Variants in ZNF236 observed in about 807,000 individuals in gnomAD.
ZNF236 encodes regulated by glucose.
In ZNF236, 50 loss-of-function variants were observed where a neutral mutation model predicts 191.2. That is an observed-to-expected ratio of 0.26 (90% confidence interval 0.21 to 0.33). The LOEUF (loss-of-function observed/expected upper bound fraction) is 0.33. Ranked by LOEUF, ZNF236 falls within the 10% of genes least tolerant of loss-of-function variation. The pLI, the probability that ZNF236 is intolerant of heterozygous loss-of-function variation, is 1.00. For missense variants in ZNF236, 1,754 were observed against 2,374.5 expected (o/e 0.74, Z 5.43); for synonymous variants, 907 against 928.8 (o/e 0.98, Z 0.43).
At chr18:76,921,827 C>A (rs541715015) in intron 20 of ZNF236, among the ~76,000 whole-genome samples, 1 of 143,960 alleles carries the variant, frequency 6.9e-6, no homozygotes, top group East Asian at 2.1e-4. Flanking sequence ...GTGCAAACTC[C>A]GAGAACGGGA....
intron 18 of ZNF236, among the ~76,000 whole-genome samples, chr18:76,915,326 C>T (rs1035356551): frequency 4.0e-5 from 6 of 151,894 alleles, no homozygotes; most frequent in Admixed American, 3.9e-4. Context: ...TGTAAAAGAC[C>T]AAGGAGAGAG....
Position 76,960,430 on chromosome 18 carries a change from G to A in ZNF236, c.5243-249G>A, listed in dbSNP as rs191680192. 1.3e-5 allele frequency among the ~76,000 whole-genome samples: 2 copies of A among 152,244 alleles called. No individual in the cohort carries two copies. The highest frequency in any genetic ancestry group is 3.9e-4 in the East Asian group (2 of 5,142). On this transcript the variant is annotated intron_variant, in intron 29 of 30. Coordinates refer to ENST00000320610, the MANE Select transcript of ZNF236 (RefSeq NM_001306089.2). This position sits in a 1 kb window ranked among gnomAD's most constrained non-coding sequence, Gnocchi z 4.4. ...TCACTGTGGGCCTGGGGTTCCACAG[G>A]CTGCATCCACCGTGGCCCTTCCATG...
intron 25 of ZNF236, chr18:76,931,305 G>A (rs927030662): frequency 2.0e-5 from 3 of 152,178 alleles, no homozygotes; most frequent in African/African-American, 7.2e-5. Flanking sequence ...AGTCAATGAG[G>A]AGTTAAACTG....
rs141062109 is a variant in ZNF236, at chr18:76,970,462, G to A, written c.*2123G>A. The stretch of plus-strand genomic sequence containing the variant: ...CACAAGACATTTTATGTATTATTTC[G>A]ATTTACTTCCTAATTATAAAAGCTG... On this transcript the variant is annotated 3_prime_UTR_variant, in exon 31 of 31. Transcript: ENST00000320610. 28 of 152,644 alleles carry A rather than the reference G, an allele frequency of 1.8e-4. No homozygotes were observed. In the East Asian group the frequency reaches 3.3e-3, roughly 18 times the overall value. The allele number at this position is 152,644 out of a possible 1,614,324, so 9.5% of individuals were successfully genotyped here. A position where few individuals can be genotyped will look rare whatever the true frequency, so the allele number is the denominator to read the frequency against.
At chr18:76,826,377 G>A (rs1975020745) in intron 1 of ZNF236, among the ~76,000 whole-genome samples, 1 of 150,970 alleles carries the variant, frequency 6.6e-6, no homozygotes, top group East Asian at 2.0e-4. Flanking sequence ...GCCCGCCTCG[G>A]CCTCCCAAAG....
At chr18:76,954,743 T>C (rs1234394829) in intron 27 of ZNF236, among the ~76,000 whole-genome samples, 1 of 152,200 alleles carries the variant, frequency 6.6e-6, no homozygotes, top group African/African-American at 2.4e-5. Context: ...GGTATCATAT[T>C]ATAGAATAAC....
At chr18:76,924,341 G>A (rs949932527) in intron 21 of ZNF236, among the ~76,000 whole-genome samples, 2 of 152,214 alleles carry the variant, frequency 1.3e-5, no homozygotes, top group Admixed American at 6.5e-5. Context: ...GGAGTTCAGC[G>A]TAGGCCACGT....
intron 1 of ZNF236, among the ~76,000 whole-genome samples, chr18:76,828,153 G>A (rs1172751553): frequency 6.6e-6 from 1 of 151,880 alleles, no homozygotes; most frequent in Non-Finnish European, 1.5e-5. Flanking sequence ...GTAAGCTAGG[G>A]GTAGTAGGGC....
intron 10 of ZNF236, 105 bp from the exon 11 acceptor site, chr18:76,898,914 T>G (rs1262087631): frequency 1.8e-5 from 17 of 961,828 alleles, no homozygotes; most frequent in Non-Finnish European, 1.9e-5. Context: ...CCTAATAAAT[T>G]GAAGGTTCAA....
chr18:76,875,401 A>G lies in ZNF236; in HGVS notation c.668-91A>G, dbSNP rs1200706612. 3 of 1,252,078 alleles carry G rather than the reference A, an allele frequency of 2.4e-6. No homozygotes were observed. Among genetic ancestry groups the G allele is most frequent in the Non-Finnish European group, 2.1e-6 (2 of 949,472 alleles). 77.6% of individuals were successfully genotyped at this position (1,252,078 alleles called of 1,614,324 possible). ...GGGGAGACATTTTGGCTGGAGGGAT[A>G]GGTTTGGGTAACTTCAGTGTTGTTC... is the stretch of plus-strand genomic sequence containing the variant. On this transcript the variant is annotated intron_variant, in intron 5 of 30. Transcript: ENST00000320610. This position sits in a 1 kb window ranked among gnomAD's most constrained non-coding sequence, Gnocchi z 4.3.
chr18:76,924,440 C>A (rs1182742887), intron 21 of ZNF236, among the ~76,000 whole-genome samples: 1 of 152,200 alleles, frequency 6.6e-6, no homozygotes, highest in Non-Finnish European at 1.5e-5. Flanking sequence ...TTCTGAGGAA[C>A]CCAGGGCGGC....
chr18:76,966,887 A>AG (rs1437278861), intron 30 of ZNF236, among the ~76,000 whole-genome samples: 1 of 152,226 alleles, frequency 6.6e-6, no homozygotes, highest in Non-Finnish European at 1.5e-5. Flanking sequence ...TAGCTATGCA[A>AG]GGAACTAGAA....
intron 27 of ZNF236, among the ~76,000 whole-genome samples, chr18:76,951,952 G>A (rs73490885): frequency 0.011 from 1,727 of 152,352 alleles, 27 homozygotes; most frequent in African/African-American, 0.039. Flanking sequence ...GAAGCAGTCA[G>A]ACACAAACAT....
chr18:76,824,228 T>A, intron 1 of ZNF236: 1 of 755,694 alleles, frequency 1.3e-6, no homozygotes, highest in Non-Finnish European at 2.5e-6. Flanking sequence ...TAGGAATCAA[T>A]GTAAACTTAT....
Position 76,927,839 on chromosome 18 carries a change from C to A in ZNF236, c.4415-88C>A, listed in dbSNP as rs1007209395. 1 of 976,200 alleles carries A rather than the reference C, an allele frequency of 1.0e-6. No homozygotes were observed. 60.5% of individuals were successfully genotyped at this position (976,200 alleles called of 1,614,324 possible). A position where few individuals can be genotyped will look rare whatever the true frequency, so the allele number is the denominator to read the frequency against. On this transcript the variant is annotated intron_variant, in intron 24 of 30. Transcript: ENST00000320610. The surrounding 1 kb of genome is among the most constrained non-coding windows in gnomAD (Gnocchi z 5.4). ...TTTGTCTTATTGAAATATGTAATAA[C>A]AGTTTAATTAAAATATTTTTAATAT...
rs538399094 is a variant in ZNF236, at chr18:76,829,216, G to A, written c.55+6554G>A. Among the ~76,000 whole-genome samples the A allele has an allele frequency of 6.6e-5, 10 of 152,150 alleles. No individual in the cohort carries two copies. The South Asian group carries it at 2.1e-3, about 32-fold the overall frequency. ...TCTCTGCTTTCAAGAAAGTAGCAGTGTTTTTCAAGCTATGTTTTGTCATAG... is the reference window on the plus strand; with the variant it reads ...TCTCTGCTTTCAAGAAAGTAGCAGTATTTTTCAAGCTATGTTTTGTCATAG... On this transcript the variant is annotated intron_variant, in intron 1 of 30. Coordinates refer to ENST00000320610, the MANE Select transcript of ZNF236 (RefSeq NM_001306089.2).
chr18:76,904,175 T>C (rs961721682), intron 11 of ZNF236, among the ~76,000 whole-genome samples: 1 of 151,642 alleles, frequency 6.6e-6, no homozygotes, highest in Non-Finnish European at 1.5e-5. Flanking sequence ...TGTAATGTTA[T>C]ATTATAAATA....
chr18:76,846,744 A>G (rs1197198441), intron 1 of ZNF236, among the ~76,000 whole-genome samples: 1 of 152,176 alleles, frequency 6.6e-6, no homozygotes, highest in Admixed American at 6.5e-5. Flanking sequence ...TTGCTTCTTA[A>G]GATAACTCTT....
At chr18:76,953,102 C>CA (rs1434606021) in intron 27 of ZNF236, among the ~76,000 whole-genome samples, 2 of 152,184 alleles carry the variant, frequency 1.3e-5, no homozygotes, top group Non-Finnish European at 2.9e-5. Flanking sequence ...GATGTGTACT[C>CA]ACAATGGAAA....
Sources: allele counts gnomAD v4.1 joint callset (sites outside exome capture counted in the v4.1 genomes callset), GRCh38; gene constraint gnomAD v4.1.1; non-coding constraint Gnocchi (gnomAD v3.1); transcripts MANE v1.5; gene names NCBI Gene and HGNC (gene_info 2026-07-23, HGNC 2026-07-21).